SEMA3A: variants seen among roughly 807,000 people sequenced by gnomAD.
SEMA3A encodes the protein semaphorin-3A.
A neutral mutation model predicts 97.9 loss-of-function variants in SEMA3A; 29 were observed. The observed-to-expected ratio is 0.30, with a 90% CI of 0.22 to 0.40. SEMA3A has a LOEUF of 0.40. Among genes scored for constraint, SEMA3A ranks in the 10% least tolerant of loss-of-function variants. SEMA3A has a pLI of 1.00. For missense variants in SEMA3A, 763 were observed against 951.3 expected (o/e 0.80, Z 2.60); for synonymous variants, 321 against 323.7 (o/e 0.99, Z 0.09).
At chr7:83,968,216 T>A (rs1788783772) in intron 15 of SEMA3A, among the ~76,000 whole-genome samples, 1 of 152,216 alleles carries the variant, frequency 6.6e-6, no homozygotes, top group Non-Finnish European at 1.5e-5. Flanking sequence ...TGATATAAAA[T>A]CTTTTTCTGG....
In SEMA3A at chr7:83,990,835, G is replaced by GT. The variant is rs1179487311; in HGVS notation, c.1453-5359dup. 5.4e-5 allele frequency among the ~76,000 whole-genome samples: 8 copies of GT among 147,500 alleles called. No individual in the cohort carries two copies. The East Asian group carries it at 1.7e-3, about 31-fold the overall frequency. On this transcript the variant is annotated intron_variant, in intron 12 of 16. Transcript: ENST00000265362. ...TTGGTTCCATATGAACTTTAAAGTA[G>GT]TTTTTTCCAATTCTGTGAAGAAAGG...
chr7:84,036,244 A>T (rs1457291453), intron 6 of SEMA3A, among the ~76,000 whole-genome samples: 1 of 152,136 alleles, frequency 6.6e-6, no homozygotes, highest in Non-Finnish European at 1.5e-5. Flanking sequence ...CATTTTGGAA[A>T]TATATGAATA....
intron 1 of SEMA3A, among the ~76,000 whole-genome samples, chr7:84,410,612 G>C (rs1804237616): frequency 6.6e-6 from 1 of 152,130 alleles, no homozygotes; most frequent in South Asian, 2.1e-4. Context: ...CCTTTCAGCA[G>C]AATATGTCAA....
At chr7:84,420,844 A>C (rs951726783) in intron 1 of SEMA3A, among the ~76,000 whole-genome samples, 5 of 151,980 alleles carry the variant, frequency 3.3e-5, no homozygotes, top group Non-Finnish European at 5.9e-5. Context: ...TATTCCTTTT[A>C]TCATTTTTTA....
At chr7:83,979,172 C>T (rs1789290843) in intron 14 of SEMA3A, among the ~76,000 whole-genome samples, 1 of 146,176 alleles carries the variant, frequency 6.8e-6, no homozygotes, top group African/African-American at 2.5e-5. Flanking sequence ...CTTGCTTTGT[C>T]ACCCAGGCTG....
At chr7:84,182,154 T>C (rs1797753270) in intron 1 of SEMA3A, among the ~76,000 whole-genome samples, 1 of 152,174 alleles carries the variant, frequency 6.6e-6, no homozygotes, top group Non-Finnish European at 1.5e-5. Flanking sequence ...TCCTCTTTCC[T>C]GCAAATGGGT....
At chr7:84,066,425 G>A (rs189727939) in intron 4 of SEMA3A, among the ~76,000 whole-genome samples, 126,060 of 136,406 alleles carry the variant, frequency 0.92, 58,478 homozygotes, top group African/African-American at 0.98. Flanking sequence ...GGCCAGGGCA[G>A]TTAGGCAGGA....
At position 84,425,413 on chromosome 7, in the gene SEMA3A, C is replaced by CTATATTTATATTCA. The variant is rs1248427421; in HGVS notation, c.-245-53514_-245-53513insTGAATATAAATATA. On this transcript the variant is annotated intron_variant, in intron 1 of 3. Transcript: ENST00000424555. ...ATAATATATTCACATAAATATATGC[C>CTATATTTATATTCA]TATATTTATATGAATATAAATATAG... Among the ~76,000 whole-genome samples the CTATATTTATATTCA allele has an allele frequency of 9.7e-3, 1,215 of 125,370 alleles. 18 individuals carry two copies. Among genetic ancestry groups the CTATATTTATATTCA allele is most frequent in the South Asian group, 0.022 (90 of 4,114 alleles). The allele number at this position is 125,370 out of a possible 152,430, so 82.2% of individuals were successfully genotyped here.
chr7:84,131,015 A>G (rs1469308958), intron 2 of SEMA3A, among the ~76,000 whole-genome samples: 1 of 152,016 alleles, frequency 6.6e-6, no homozygotes, highest in Non-Finnish European at 1.5e-5. Context: ...ATCTAAGTAA[A>G]ATATTTATAA....
intron 1 of SEMA3A, among the ~76,000 whole-genome samples, chr7:84,177,498 T>A (rs1163721405): frequency 6.6e-6 from 1 of 152,120 alleles, no homozygotes; most frequent in Non-Finnish European, 1.5e-5. Flanking sequence ...TGAAACTTAA[T>A]GAAATTATGG....
At chr7:84,090,197 AAAG>A (rs369892698) in intron 4 of SEMA3A, among the ~76,000 whole-genome samples, 26 of 152,268 alleles carry the variant, frequency 1.7e-4, no homozygotes, top group African/African-American at 6.0e-4. Context: ...TTTGATTTGG[AAAG>A]AAGTTGGTAA....
intron 1 of SEMA3A, among the ~76,000 whole-genome samples, chr7:84,415,657 T>C (rs1426707275): frequency 6.6e-6 from 1 of 152,038 alleles, no homozygotes; most frequent in African/African-American, 2.4e-5. Flanking sequence ...CCTCTTCAGG[T>C]TTGGAATTTT....
chr7:84,256,465 A>T (rs1388775969), intron 3 of SEMA3A, among the ~76,000 whole-genome samples: 4 of 152,030 alleles, frequency 2.6e-5, no homozygotes, highest in Non-Finnish European at 4.4e-5. Flanking sequence ...ATACTGTTTT[A>T]AAAAAAGGCA....
intron 2 of SEMA3A, among the ~76,000 whole-genome samples, chr7:84,330,875 G>T (rs909302304): frequency 6.6e-6 from 1 of 152,020 alleles, no homozygotes; most frequent in Non-Finnish European, 1.5e-5. Flanking sequence ...GTATAGAAAT[G>T]GATTATGTTC....
At chr7:84,127,817 T>C (rs373694105) in intron 3 of SEMA3A, among the ~76,000 whole-genome samples, 1 of 152,170 alleles carries the variant, frequency 6.6e-6, no homozygotes, top group South Asian at 2.1e-4. Context: ...TCTATGTATC[T>C]ATATACACAT....
intron 2 of SEMA3A, among the ~76,000 whole-genome samples, chr7:84,371,113 T>C (rs80208972): frequency 1.3e-5 from 2 of 151,714 alleles, no homozygotes; most frequent in Admixed American, 6.6e-5. Flanking sequence ...GTCACATCAG[T>C]AGTTATTGAC....
At chr7:84,492,350 A>T (rs751558768) in intron 1 of SEMA3A, 3 of 152,144 alleles carry the variant, frequency 2.0e-5, no homozygotes, top group Non-Finnish European at 2.9e-5. Flanking sequence ...GGTTATGAAC[A>T]TAAGCTTTGT....
intron 1 of SEMA3A, among the ~76,000 whole-genome samples, chr7:84,395,890 A>G (rs1389582537): frequency 6.6e-6 from 1 of 152,172 alleles, no homozygotes; most frequent in African/African-American, 2.4e-5. Flanking sequence ...TAATACAAGG[A>G]TCAAGAAAGG....
At chr7:84,400,526 G>A (rs1803873595) in intron 1 of SEMA3A, among the ~76,000 whole-genome samples, 1 of 152,110 alleles carries the variant, frequency 6.6e-6, no homozygotes, top group Non-Finnish European at 1.5e-5. Flanking sequence ...CTCAACAGCA[G>A]AACTGATCAA....
Sources: allele counts gnomAD v4.1 joint callset (sites outside exome capture counted in the v4.1 genomes callset), GRCh38; gene constraint gnomAD v4.1.1; transcripts MANE v1.5; gene names NCBI Gene and HGNC (gene_info 2026-07-23, HGNC 2026-07-21).